OPCML: variants seen among roughly 807,000 people sequenced by gnomAD.
OPCML encodes the protein opioid binding protein/cell adhesion molecule like, also known as opioid-binding protein/cell adhesion molecule.
In OPCML, 13 loss-of-function variants were observed where a neutral mutation model predicts 37.8. The observed-to-expected ratio is 0.34, with a 90% CI of 0.22 to 0.55. The LOEUF (loss-of-function observed/expected upper bound fraction) is 0.55. Among genes scored for constraint, OPCML ranks in the 20% least tolerant of loss-of-function variants. The pLI, the probability that OPCML is intolerant of heterozygous loss-of-function variation, is 0.91. For synonymous variants in OPCML, 176 were observed against 168.8 expected, an observed-to-expected ratio of 1.04 and a Z score of -0.33; for missense variants, 341 against 435.6, an observed-to-expected ratio of 0.78 and a Z score of 1.93.
At chr11:132,762,532 G>A (rs938853951) in intron 2 of OPCML, among the ~76,000 whole-genome samples, 1 of 152,326 alleles carries the variant, frequency 6.6e-6, no homozygotes, top group East Asian at 1.9e-4. Flanking sequence ...ATCTAGAGAG[G>A]CAGTCTGGCT....
At chr11:133,419,297 G>A in intron 1 of OPCML, 1 of 985,414 alleles carries the variant, frequency 1.0e-6, no homozygotes, top group South Asian at 4.7e-5. Context: ...ACCTCGAGAT[G>A]TCTGGTGTAA....
Position 133,208,660 on chromosome 11 carries a change from T to C in OPCML, c.62-265650A>G, listed in dbSNP as rs1184891393. On this transcript the variant is annotated intron_variant, in intron 1 of 7. Coordinates refer to ENST00000524381, the MANE Select transcript of OPCML (RefSeq NM_001012393.5). This position sits in a 1 kb window ranked among gnomAD's most constrained non-coding sequence, Gnocchi z 8.9. ...ATCCTTTGTCTGCTGTTAAGCTTCA[T>C]GCACCTTCTCATGTCCATTTACTGA... is the stretch of plus-strand genomic sequence containing the variant. Among the ~76,000 whole-genome samples the C allele has an allele frequency of 6.6e-6, 1 of 152,210 alleles. No individual in the cohort carries two copies. Among genetic ancestry groups the C allele is most frequent in the Non-Finnish European group, 1.5e-5 (1 of 68,042 alleles).
chr11:133,417,177 AGT>A (rs1945786996), intron 1 of OPCML, among the ~76,000 whole-genome samples: 1 of 152,158 alleles, frequency 6.6e-6, no homozygotes, highest in East Asian at 1.9e-4. Flanking sequence ...TGTTTCCCTG[AGT>A]TCTGTGAGCC....
chr11:133,422,103 G>T lies in OPCML; in HGVS notation c.61+110161C>A, dbSNP rs1592282871. 14 of 975,772 alleles carry T rather than the reference G, an allele frequency of 1.4e-5. No homozygotes were observed. The South Asian group carries it at 4.3e-4, about 30-fold the overall frequency. The allele number at this position is 975,772 out of a possible 1,614,324, so 60.4% of individuals were successfully genotyped here. On this transcript the variant is annotated intron_variant, in intron 1 of 7. Transcript: ENST00000524381. ...ATCTACATTAGGTGTTTCTCCTAAT[G>T]CTATCCCTCCCCTAGCCCCCCACCC...
At chr11:133,423,455 A>T (rs1241408218) in intron 1 of OPCML, 2 of 985,312 alleles carry the variant, frequency 2.0e-6, no homozygotes, top group Admixed American at 1.2e-4. Flanking sequence ...AAATCACTGA[A>T]ATTCTCTGCA....
chr11:133,520,222 C>A (rs1203691461), intron 1 of OPCML, among the ~76,000 whole-genome samples: 1 of 152,078 alleles, frequency 6.6e-6, no homozygotes, highest in Non-Finnish European at 1.5e-5. Flanking sequence ...CAGAAGGACT[C>A]TTCCCAAGTG....
At chr11:132,648,185 C>G (rs1941250501) in intron 3 of OPCML, among the ~76,000 whole-genome samples, 1 of 152,140 alleles carries the variant, frequency 6.6e-6, no homozygotes, top group Non-Finnish European at 1.5e-5. Flanking sequence ...TATGTAAGAT[C>G]CTCACTATAT....
intron 3 of OPCML, among the ~76,000 whole-genome samples, chr11:132,559,949 C>A (rs1239855091): frequency 6.6e-6 from 1 of 152,168 alleles, no homozygotes; most frequent in Non-Finnish European, 1.5e-5. Flanking sequence ...TTACAAGTAT[C>A]CCTCACTTTA....
chr11:133,011,016 T>C lies in OPCML; in HGVS notation c.62-68006A>G, dbSNP rs148109521. ...GGTAGTACACTATCTGGAATTTTTT[T>C]AGAAAGATGTAGGTAAACTGTTGCA... On this transcript the variant is annotated intron_variant, in intron 1 of 7. Coordinates refer to ENST00000524381, the MANE Select transcript of OPCML (RefSeq NM_001012393.5). Among the ~76,000 whole-genome samples the C allele has an allele frequency of 2.4e-3, 360 of 152,300 alleles. 1 individual carries two copies. Among genetic ancestry groups the C allele is most frequent in the African/African-American group, 8.1e-3 (338 of 41,552 alleles).
At chr11:132,847,003 TC>T (rs1423703400) in intron 2 of OPCML, among the ~76,000 whole-genome samples, 1 of 152,068 alleles carries the variant, frequency 6.6e-6, no homozygotes, top group Non-Finnish European at 1.5e-5. Flanking sequence ...ATAAAGATGT[TC>T]CCCCCAATGC....
intron 1 of OPCML, among the ~76,000 whole-genome samples, chr11:133,508,184 G>A (rs1565674151): frequency 6.6e-6 from 1 of 152,126 alleles, no homozygotes; most frequent in Non-Finnish European, 1.5e-5. Flanking sequence ...CATTGCTCTG[G>A]GAGGTAGCAG....
intron 2 of OPCML, among the ~76,000 whole-genome samples, chr11:132,907,417 A>G (rs535946883): frequency 5.3e-5 from 8 of 152,164 alleles, no homozygotes; most frequent in Non-Finnish European, 1.0e-4. Flanking sequence ...TGGATCACAA[A>G]GTCAAGAGAT....
At chr11:133,130,962 A>T (rs1949594949) in intron 1 of OPCML, among the ~76,000 whole-genome samples, 1 of 152,140 alleles carries the variant, frequency 6.6e-6, no homozygotes, top group Non-Finnish European at 1.5e-5. Context: ...CCTCTGCCAA[A>T]ATATCTATGT....
intron 1 of OPCML, among the ~76,000 whole-genome samples, chr11:133,054,170 C>A (rs1455326667): frequency 6.6e-6 from 1 of 152,198 alleles, no homozygotes; most frequent in Non-Finnish European, 1.5e-5. Flanking sequence ...CATAGGACCA[C>A]TGCAGCAGGC....
chr11:133,135,718 G>A (rs1429526586), intron 1 of OPCML, among the ~76,000 whole-genome samples: 1 of 152,200 alleles, frequency 6.6e-6, no homozygotes, highest in Non-Finnish European at 1.5e-5. Flanking sequence ...ATTCCCACTA[G>A]AATGCGTTGG....
intron 1 of OPCML, among the ~76,000 whole-genome samples, chr11:133,417,068 C>G (rs535791713): frequency 6.6e-5 from 10 of 152,302 alleles, no homozygotes; most frequent in African/African-American, 2.2e-4. Flanking sequence ...AGCAGGGAGG[C>G]TGTGTAACCC....
At chr11:133,080,480 T>C (rs532753356) in intron 1 of OPCML, among the ~76,000 whole-genome samples, 1 of 143,374 alleles carries the variant, frequency 7.0e-6, no homozygotes, top group Non-Finnish European at 1.5e-5. Context: ...AAATGTTTTT[T>C]TTTTTTTTTT....
At chr11:133,070,030 T>C (rs2137007037) in intron 1 of OPCML, among the ~76,000 whole-genome samples, 1 of 152,258 alleles carries the variant, frequency 6.6e-6, no homozygotes, top group Non-Finnish European at 1.5e-5. Flanking sequence ...TTAGTACATA[T>C]TAACAATAAA....
At chr11:133,223,533 G>C (rs1395672536) in intron 1 of OPCML, among the ~76,000 whole-genome samples, 1 of 152,166 alleles carries the variant, frequency 6.6e-6, no homozygotes, top group Non-Finnish European at 1.5e-5. Flanking sequence ...GAAAAATATG[G>C]GGACGGGGGT....
Sources: gnomAD v4.1 joint callset for allele counts (sites outside exome capture counted in the v4.1 genomes callset) on GRCh38, gnomAD v4.1.1 for gene constraint, Gnocchi (gnomAD v3.1) non-coding constraint, MANE v1.5 for transcripts, NCBI Gene and HGNC (gene_info 2026-07-23, HGNC 2026-07-21) for gene names.